MLLT3: variants seen among roughly 807,000 people sequenced by gnomAD.
The protein encoded by MLLT3 is MLLT3 super elongation complex subunit.
MLLT3 carries 4 observed loss-of-function variants against 53.2 expected under a neutral mutation model. The observed-to-expected ratio is 0.08, with a 90% CI of 0.04 to 0.17. MLLT3 has a LOEUF of 0.17. MLLT3 is among the 10% of genes least tolerant of loss of function. MLLT3 has a pLI of 1.00. For synonymous variants in MLLT3, 283 were observed against 230.6 expected, an observed-to-expected ratio of 1.23 and a Z score of -2.06; for missense variants, 569 against 684.0, an observed-to-expected ratio of 0.83 and a Z score of 1.87.
intron 4 of MLLT3, among the ~76,000 whole-genome samples, chr9:20,447,367 T>TG (rs2118845454): frequency 1.3e-5 from 2 of 152,276 alleles, no homozygotes; most frequent in Non-Finnish European, 2.9e-5. Context: ...TCAAAATAGA[T>TG]GGGGTGTGAA....
At chr9:20,414,729 C>G (rs967294196) in intron 4 of MLLT3, among the ~76,000 whole-genome samples, 21 of 152,202 alleles carry the variant, frequency 1.4e-4, no homozygotes, top group South Asian at 4.2e-4. Context: ...CTAGAAGATA[C>G]AAGGATGAAT....
intron 5 of MLLT3, among the ~76,000 whole-genome samples, chr9:20,377,292 A>G (rs1014015468): frequency 6.6e-6 from 1 of 152,234 alleles, no homozygotes; most frequent in East Asian, 1.9e-4. Context: ...TGTGCAGAGC[A>G]TAAGAAATTT....
intron 2 of MLLT3, among the ~76,000 whole-genome samples, chr9:20,521,077 C>CT (rs11410290): frequency 0.43 from 64,188 of 148,514 alleles, 13,787 homozygotes; most frequent in South Asian, 0.51. Context: ...TTTGTTCTTT[C>CT]TTTTTTTTTT....
rs1472423464 is a variant in MLLT3 at position 20,578,403 on chromosome 9, C to T, written c.193+42251G>A. Among the ~76,000 whole-genome samples the T allele has an allele frequency of 3.3e-5, 5 of 152,130 alleles. No individual in the cohort carries two copies. The East Asian group carries it at 9.7e-4, about 29-fold the overall frequency. ...TTCATTATCTGAAAATGGGGCTGAA[C>T]GTGGTGGCTCACACTTGTAATTCCA... is the stretch of plus-strand genomic sequence containing the variant. On this transcript the variant is annotated intron_variant, in intron 2 of 10. Transcript: ENST00000380338.
At chr9:20,399,914 C>A (rs1350530621) in intron 5 of MLLT3, among the ~76,000 whole-genome samples, 1 of 151,876 alleles carries the variant, frequency 6.6e-6, no homozygotes, top group Non-Finnish European at 1.5e-5. Context: ...AGATAAGGGG[C>A]AGTTTTTCTT....
At chr9:20,586,181 G>A (rs1211341872) in intron 2 of MLLT3, among the ~76,000 whole-genome samples, 1 of 152,044 alleles carries the variant, frequency 6.6e-6, no homozygotes, top group Non-Finnish European at 1.5e-5. Flanking sequence ...TTAGCCAGGT[G>A]TGGTGGTGTG....
At chr9:20,372,293 C>G (rs1032293107) in intron 5 of MLLT3, among the ~76,000 whole-genome samples, 3 of 152,126 alleles carry the variant, frequency 2.0e-5, no homozygotes, top group African/African-American at 7.2e-5. Flanking sequence ...GAATTGAGTC[C>G]AATTCTAAAA....
Position 20,413,884 on chromosome 9 carries a change from G to A in MLLT3, c.962C>T (p.Ser321Phe). The part of the protein sequence containing the change: ...SSAPPLILTC[S>F]ADKKQIKDKS... ...ATCTTTTATCTGTTTTTTGTCAGCA[G>A]AACAAGTGAGTATCAGTGGTGGTGC... The change falls in exon 5 of 11, where the codon TCT (serine) becomes TTT (phenylalanine). Residue 321 changes from serine to phenylalanine, a missense_variant. Coordinates refer to ENST00000380338, the MANE Select transcript of MLLT3 (RefSeq NM_004529.4). 1 of 1,614,036 alleles carries A rather than the reference G, an allele frequency of 6.2e-7. No homozygotes were observed.
chr9:20,552,935 G>A (rs1343731599), intron 2 of MLLT3, among the ~76,000 whole-genome samples: 1 of 151,842 alleles, frequency 6.6e-6, no homozygotes, highest in Non-Finnish European at 1.5e-5. Flanking sequence ...AAAGTTGCAA[G>A]GTAAAAAAAT....
chr9:20,369,140 C>A (rs1231040038), intron 5 of MLLT3, among the ~76,000 whole-genome samples: 3 of 152,114 alleles, frequency 2.0e-5, no homozygotes, highest in Non-Finnish European at 4.4e-5. Context: ...GTCCAGGGAC[C>A]AACCATGCTG....
Position 20,620,567 on chromosome 9 carries a change from G to C in MLLT3, c.193+87C>G, listed in dbSNP as rs1282838966. On this transcript the variant is annotated intron_variant, in intron 2 of 10. Transcript: ENST00000380338. This position sits in a 1 kb window ranked among gnomAD's most constrained non-coding sequence, Gnocchi z 6.1. ...TACGCCGGCGAGCGCGGCGCGGGGG[G>C]CGGGGAGCGGGACAGCGGGACCGCC... is the stretch of plus-strand genomic sequence containing the variant. 2 of 1,211,832 alleles carry C rather than the reference G, an allele frequency of 1.7e-6. No individual in the cohort carries two copies. Among genetic ancestry groups the C allele is most frequent in the Non-Finnish European group, 2.2e-6 (2 of 912,118 alleles). The allele number at this position is 1,211,832 out of a possible 1,614,324, so 75.1% of individuals were successfully genotyped here. A position where few individuals can be genotyped will look rare whatever the true frequency, so the allele number is the denominator to read the frequency against.
At chr9:20,445,336 T>C (rs1360274158) in intron 4 of MLLT3, among the ~76,000 whole-genome samples, 2 of 152,154 alleles carry the variant, frequency 1.3e-5, no homozygotes, top group Non-Finnish European at 2.9e-5. Context: ...ACACAGGGTA[T>C]ATTTCTTCCA....
intron 5 of MLLT3, among the ~76,000 whole-genome samples, chr9:20,368,860 G>T (rs1821522141): frequency 6.6e-6 from 1 of 152,198 alleles, no homozygotes; most frequent in African/African-American, 2.4e-5. Flanking sequence ...GATAAAAAAG[G>T]ATAAAATGCT....
chr9:20,363,661 C>A, intron 6 of MLLT3, 56 bp from the exon 7 acceptor site: 1 of 1,571,884 alleles, frequency 6.4e-7, no homozygotes. Flanking sequence ...CACACTTAGC[C>A]ATATTAGAAA....
rs1279327048 is a variant in MLLT3, at chr9:20,621,759, C to A, written c.12+486G>T. 1.0e-5 allele frequency: 15 copies of A among 1,487,574 alleles called. No individual in the cohort carries two copies. Among genetic ancestry groups the A allele is most frequent in the Non-Finnish European group, 1.2e-5 (13 of 1,127,452 alleles). 92.1% of individuals were successfully genotyped at this position (1,487,574 alleles called of 1,614,324 possible). On this transcript the variant is annotated intron_variant, in intron 1 of 10. Transcript: ENST00000380338. The surrounding 1 kb of genome is among the most constrained non-coding windows in gnomAD (Gnocchi z 7.0). ...CACACTTCGGCTCACACACGCGCGCCGCGGAGAACGCACCATCGTAGCGGC... is the reference window on the plus strand; with the variant it reads ...CACACTTCGGCTCACACACGCGCGCAGCGGAGAACGCACCATCGTAGCGGC...
At chr9:20,606,839 G>A (rs995598112) in intron 2 of MLLT3, among the ~76,000 whole-genome samples, 1 of 152,090 alleles carries the variant, frequency 6.6e-6, no homozygotes, top group Non-Finnish European at 1.5e-5. Flanking sequence ...AGCCCACAAT[G>A]TCAAGTAGTT....
chr9:20,378,303 A>G (rs1034156068), intron 5 of MLLT3, among the ~76,000 whole-genome samples: 1 of 152,020 alleles, frequency 6.6e-6, no homozygotes, highest in African/African-American at 2.4e-5. Context: ...TCTGTAATTT[A>G]CCTGCTCAAA....
At chr9:20,420,622 C>G (rs1822985175) in intron 4 of MLLT3, among the ~76,000 whole-genome samples, 1 of 152,094 alleles carries the variant, frequency 6.6e-6, no homozygotes, top group African/African-American at 2.4e-5. Flanking sequence ...TCATAAAACA[C>G]AATGAGTACA....
rs1818780266 is a variant in MLLT3, at chr9:20,546,082, A to G, written c.193+74572T>C. Among the ~76,000 whole-genome samples the G allele has an allele frequency of 3.9e-5, 6 of 152,166 alleles. No individual in the cohort carries two copies. In the South Asian group the frequency reaches 1.2e-3, roughly 31 times the overall value. ...CAAGATTGAGATTATTTTCATATTC[A>G]ACATATATTAAGCTAATATTATTTC... is the stretch of plus-strand genomic sequence containing the variant. On this transcript the variant is annotated intron_variant, in intron 2 of 10. Transcript: ENST00000380338.
Sources: gnomAD v4.1 joint callset for allele counts (sites outside exome capture counted in the v4.1 genomes callset) on GRCh38, gnomAD v4.1.1 for gene constraint, Gnocchi (gnomAD v3.1) non-coding constraint, MANE v1.5 for transcripts, NCBI Gene and HGNC (gene_info 2026-07-23, HGNC 2026-07-21) for gene names.